RIC1: variants seen among roughly 807,000 people sequenced by gnomAD.
RIC1 encodes the protein RIC1 partner of RAB6A GEF complex, also known as guanine nucleotide exchange factor subunit RIC1.
Under a neutral mutation model 169.0 loss-of-function variants are expected in RIC1, and 88 were observed. The observed-to-expected ratio is 0.52, with a 90% CI of 0.44 to 0.62. The LOEUF (loss-of-function observed/expected upper bound fraction) is 0.62, where lower values mean the gene tolerates loss of function less well. Ranked by LOEUF, RIC1 falls within the 20% of genes least tolerant of loss-of-function variation. RIC1 has a pLI of 0.00. For synonymous variants in RIC1, 790 were observed against 601.5 expected (o/e 1.31, Z -4.59); for missense variants, 1,877 against 1,725.5 (o/e 1.09, Z -1.56).
chr9:5,667,880 A>G (rs1819874060), intron 2 of RIC1, among the ~76,000 whole-genome samples: 1 of 152,202 alleles, frequency 6.6e-6, no homozygotes, highest in African/African-American at 2.4e-5. Flanking sequence ...TTGCTTCCAC[A>G]TTTTTGGGTA....
At chr9:5,729,657 AAGGAATTTAAGTTTTT>A (rs1824238772) in intron 6 of RIC1, among the ~76,000 whole-genome samples, 1 of 152,164 alleles carries the variant, frequency 6.6e-6, no homozygotes, top group Non-Finnish European at 1.5e-5. Context: ...TTTAACTGGA[AAGGAATTTAAGTTTTT>A]AATGGCCTTT....
At position 5,751,322 on chromosome 9, in the gene RIC1, C is replaced by T. The variant is rs116541307; in HGVS notation, c.1453-1878C>T. ...TCATTACCTTAAGTGTACCATTATT[C>T]TGAACTAATTTTACCCATCATAGTG... is the stretch of plus-strand genomic sequence containing the variant. On this transcript the variant is annotated intron_variant, in intron 12 of 25. Coordinates refer to ENST00000414202, the MANE Select transcript of RIC1 (RefSeq NM_020829.4). 2.0e-3 allele frequency among the ~76,000 whole-genome samples: 301 copies of T among 151,882 alleles called. 5 individuals are homozygous for T. The highest frequency in any genetic ancestry group is 6.7e-3 in the African/African-American group (278 of 41,194).
chr9:5,697,148 T>G (rs891506092), intron 3 of RIC1, among the ~76,000 whole-genome samples: 3 of 152,230 alleles, frequency 2.0e-5, no homozygotes, highest in African/African-American at 7.2e-5. Flanking sequence ...CTAGAGCTTT[T>G]CTCTGTGTGG....
At position 5,714,069 on chromosome 9, in the gene RIC1, T is replaced by C. The variant is rs538933675; in HGVS notation, c.440+66T>C. The C allele has an allele frequency of 4.2e-4, 408 of 978,706 alleles. 4 individuals are homozygous for C. Among genetic ancestry groups the C allele is most frequent in the South Asian group, 1.4e-3 (88 of 61,134 alleles). The allele number at this position is 978,706 out of a possible 1,614,324, so 60.6% of individuals were successfully genotyped here. On this transcript the variant is annotated intron_variant, in intron 4 of 25. Transcript: ENST00000414202. ...TAGACAATGTAGTTCGTAAATCCCA[T>C]GACCAACAGGAAAGTTAGTTTAATT...
intron 2 of RIC1, among the ~76,000 whole-genome samples, chr9:5,664,314 G>A (rs1017446065): frequency 5.9e-5 from 9 of 152,050 alleles, no homozygotes; most frequent in Non-Finnish European, 7.4e-5. Flanking sequence ...TCAGGAGGCT[G>A]AGGCAGGAGA....
intron 3 of RIC1, among the ~76,000 whole-genome samples, chr9:5,697,055 T>C (rs1821945062): frequency 1.3e-5 from 2 of 152,234 alleles, no homozygotes; most frequent in African/African-American, 4.8e-5. Context: ...AAAACCCTAG[T>C]AGTCATTCTT....
intron 21 of RIC1, among the ~76,000 whole-genome samples, chr9:5,768,720 C>G (rs1042866303): frequency 3.3e-5 from 5 of 152,164 alleles, no homozygotes; most frequent in African/African-American, 1.2e-4. Context: ...GCTTCCTGGT[C>G]TGACTTCTTC....
intron 3 of RIC1, among the ~76,000 whole-genome samples, chr9:5,696,138 T>A (rs929253530): frequency 6.6e-6 from 1 of 152,162 alleles, no homozygotes; most frequent in Non-Finnish European, 1.5e-5. Context: ...CTCATTGGTC[T>A]TTTTAGGGGC....
At chr9:5,769,610 C>G (rs1827059045) in intron 22 of RIC1, 2 of 497,196 alleles carry the variant, frequency 4.0e-6, no homozygotes, top group African/African-American at 3.9e-5. Context: ...GCTGACAGAA[C>G]TCATTCCAGG....
chr9:5,754,707 G>A, intron 14 of RIC1, 134 bp from the exon 15 acceptor site: 1 of 492,202 alleles, frequency 2.0e-6, no homozygotes, highest in Non-Finnish European at 3.5e-6. Context: ...CTCCAGCATG[G>A]GTGACAGAGT....
rs1827582115 is a variant in RIC1 at position 5,776,302 on chromosome 9, A to G, written c.*2056A>G. Reference sequence around the variant, plus strand: ...TATTTGTTATATACCTTAATTTTTAAAAACCCATTTTTATTGTGGTGTTTG... The same window carrying G: ...TATTTGTTATATACCTTAATTTTTAGAAACCCATTTTTATTGTGGTGTTTG... On this transcript the variant is annotated 3_prime_UTR_variant, in exon 26 of 26. Coordinates refer to ENST00000414202, the MANE Select transcript of RIC1 (RefSeq NM_020829.4). 6.6e-6 allele frequency: 1 copy of G among 152,174 alleles called. No individual in the cohort carries two copies. Among genetic ancestry groups the G allele is most frequent in the African/African-American group, 2.4e-5 (1 of 41,460 alleles). The allele number at this position is 152,174 out of a possible 1,614,324, so 9.4% of individuals were successfully genotyped here.
At chr9:5,631,230 C>T (rs995699061) in intron 1 of RIC1, among the ~76,000 whole-genome samples, 2 of 152,170 alleles carry the variant, frequency 1.3e-5, no homozygotes, top group African/African-American at 4.8e-5. Flanking sequence ...ACTATTCATA[C>T]TCTTCTTTCA....
chr9:5,641,887 C>T (rs1818269387), intron 1 of RIC1, among the ~76,000 whole-genome samples: 1 of 144,446 alleles, frequency 6.9e-6, no homozygotes, highest in Non-Finnish European at 1.5e-5. Context: ...CCTGAAAGGT[C>T]ACATATCTAT....
chr9:5,657,109 G>C (rs1025377276), intron 2 of RIC1, among the ~76,000 whole-genome samples: 5 of 152,048 alleles, frequency 3.3e-5, no homozygotes, highest in African/African-American at 9.7e-5. Flanking sequence ...TGTCCTTGAA[G>C]TCTTATCTAG....
intron 3 of RIC1, among the ~76,000 whole-genome samples, chr9:5,695,627 C>T (rs1199357404): frequency 6.9e-6 from 1 of 144,116 alleles, no homozygotes; most frequent in Non-Finnish European, 1.5e-5. Context: ...TGCTGGAGTG[C>T]AGTGGCGTGA....
chr9:5,660,850 G>T (rs773059546), intron 2 of RIC1, among the ~76,000 whole-genome samples: 1 of 152,102 alleles, frequency 6.6e-6, no homozygotes, highest in Non-Finnish European at 1.5e-5. Flanking sequence ...AAGCTCTTCA[G>T]TTCGATTAGA....
intron 6 of RIC1, among the ~76,000 whole-genome samples, chr9:5,727,304 T>C (rs542583881): frequency 2.1e-4 from 32 of 152,246 alleles, no homozygotes; most frequent in Non-Finnish European, 3.8e-4. Flanking sequence ...TTTCATTCAT[T>C]TGATCTTCAA....
At chr9:5,755,561 A>G (rs1313134166) in intron 15 of RIC1, among the ~76,000 whole-genome samples, 1 of 152,230 alleles carries the variant, frequency 6.6e-6, no homozygotes, top group East Asian at 1.9e-4. Context: ...AGCCATGGAT[A>G]AGAGAGACTA....
rs531689548 is a variant in RIC1, at chr9:5,725,026, G to A, written c.720+4276G>A. 3.3e-5 allele frequency among the ~76,000 whole-genome samples: 5 copies of A among 152,022 alleles called. No homozygotes were observed. The South Asian group carries it at 1.0e-3, about 32-fold the overall frequency. ...TATTGGTCTAATATTCTCTTTTTTT[G>A]TTGTGTCTCTGCCAGGCTTTGATAT... On this transcript the variant is annotated intron_variant, in intron 6 of 25. Coordinates refer to ENST00000414202, the MANE Select transcript of RIC1 (RefSeq NM_020829.4).
Sources: allele counts gnomAD v4.1 joint callset (sites outside exome capture counted in the v4.1 genomes callset), GRCh38; gene constraint gnomAD v4.1.1; transcripts MANE v1.5; gene names NCBI Gene and HGNC (gene_info 2026-07-23, HGNC 2026-07-21).